Variants in PABPC4L observed in about 807,000 individuals in gnomAD.
PABPC4L encodes the protein polyadenylate-binding protein 4-like.
For synonymous variants in PABPC4L, 169 were observed against 164.1 expected, an observed-to-expected ratio of 1.03 and a Z score of -0.23; for missense variants, 452 against 451.4, an observed-to-expected ratio of 1.00 and a Z score of -0.01.
At chr4:134,044,930 C>G in the PABPC4L span, among the ~76,000 whole-genome samples, 1 of 152,168 alleles carries the variant, frequency 6.6e-6, no homozygotes, top group East Asian at 1.9e-4. Flanking sequence ...CTTACAAAAA[C>G]AATTTCCAGT....
At chr4:134,129,047 C>G in the PABPC4L span, among the ~76,000 whole-genome samples, 1 of 152,048 alleles carries the variant, frequency 6.6e-6, no homozygotes, top group South Asian at 2.1e-4. Context: ...ACAAAACAAA[C>G]TTTAATGCAA....
the PABPC4L span, among the ~76,000 whole-genome samples, chr4:133,981,197 C>T: frequency 4.7e-3 from 711 of 152,042 alleles, 9 homozygotes; most frequent in African/African-American, 0.016. Context: ...TTTTCAAGAT[C>T]CACTATGTTG....
the PABPC4L span, among the ~76,000 whole-genome samples, chr4:134,158,420 T>G: frequency 6.6e-5 from 10 of 152,166 alleles, no homozygotes; most frequent in South Asian, 2.1e-3. Context: ...GTAGGAGTTA[T>G]GGAAACAGTA....
At chr4:134,016,920 C>T in the PABPC4L span, among the ~76,000 whole-genome samples, 1 of 152,086 alleles carries the variant, frequency 6.6e-6, no homozygotes, top group Non-Finnish European at 1.5e-5. Flanking sequence ...TCACATGCCC[C>T]AAGTAAGAAA....
the PABPC4L span, among the ~76,000 whole-genome samples, chr4:134,037,450 GT>G: frequency 1.9e-3 from 289 of 152,118 alleles, 1 homozygote; most frequent in African/African-American, 6.6e-3. Flanking sequence ...ATCTTTGGAA[GT>G]TTTAATATGT....
chr4:134,078,651 CT>C, the PABPC4L span, among the ~76,000 whole-genome samples: 86,934 of 115,700 alleles, frequency 0.75, 32,338 homozygotes, highest in East Asian at 0.98. Flanking sequence ...AGTTTTGTAG[CT>C]TTTTTTTTTT....
chr4:133,951,277 G>A, the PABPC4L span, among the ~76,000 whole-genome samples: 1 of 152,036 alleles, frequency 6.6e-6, no homozygotes, highest in African/African-American at 2.4e-5. Flanking sequence ...ATGGTTTGAT[G>A]CCTCTTTATT....
the PABPC4L span, among the ~76,000 whole-genome samples, chr4:134,072,497 G>T: frequency 6.6e-6 from 1 of 152,260 alleles, no homozygotes; most frequent in East Asian, 1.9e-4. Flanking sequence ...AGAATTGTAG[G>T]TGTGTTTTCT....
chr4:134,169,652 C>T, the PABPC4L span, among the ~76,000 whole-genome samples: 2,119 of 151,374 alleles, frequency 0.014, 43 homozygotes, highest in African/African-American at 0.048. Flanking sequence ...CAACAGCAAA[C>T]AATCTGAAAA....
At chr4:134,143,894 C>G in the PABPC4L span, among the ~76,000 whole-genome samples, 1 of 151,424 alleles carries the variant, frequency 6.6e-6, no homozygotes, top group Non-Finnish European at 1.5e-5. Context: ...ATTTTAATGT[C>G]TCTACTTTTA....
At chr4:134,040,459 A>G in the PABPC4L span, among the ~76,000 whole-genome samples, 1 of 152,178 alleles carries the variant, frequency 6.6e-6, no homozygotes. Context: ...CAAACCTGAC[A>G]AAAACAAGCA....
At chr4:133,981,013 C>T in the PABPC4L span, among the ~76,000 whole-genome samples, 34 of 152,006 alleles carry the variant, frequency 2.2e-4, no homozygotes, top group African/African-American at 7.5e-4. Context: ...ATACAAAAAT[C>T]AGCCGGGTGT....
the PABPC4L span, among the ~76,000 whole-genome samples, chr4:134,003,500 G>C: frequency 6.6e-6 from 1 of 151,682 alleles, no homozygotes; most frequent in African/African-American, 2.4e-5. Flanking sequence ...TTTCATGTGG[G>C]ATTTTGTAAA....
chr4:134,027,955 G>C, the PABPC4L span, among the ~76,000 whole-genome samples: 1 of 152,118 alleles, frequency 6.6e-6, no homozygotes, highest in Non-Finnish European at 1.5e-5. Context: ...ATAATAAATT[G>C]TTCTAAGTTA....
chr4:134,054,343 T>A, the PABPC4L span, among the ~76,000 whole-genome samples: 1 of 148,788 alleles, frequency 6.7e-6, no homozygotes, highest in Admixed American at 6.8e-5. Context: ...AATTTTTTTT[T>A]ATTTTAAGTA....
At chr4:134,183,507 G>C in the PABPC4L span, among the ~76,000 whole-genome samples, 1 of 151,282 alleles carries the variant, frequency 6.6e-6, no homozygotes, top group Non-Finnish European at 1.5e-5. Context: ...CTACCAATAA[G>C]GTACCATGCT....
At chr4:134,161,429 G>A in the PABPC4L span, among the ~76,000 whole-genome samples, 1 of 151,878 alleles carries the variant, frequency 6.6e-6, no homozygotes, top group African/African-American at 2.4e-5. Context: ...AATAGCAGAA[G>A]GAGAAGAAAA....
the PABPC4L span, among the ~76,000 whole-genome samples, chr4:134,089,358 A>G: frequency 6.6e-6 from 1 of 152,086 alleles, no homozygotes; most frequent in African/African-American, 2.4e-5. Flanking sequence ...CCTCCACCAG[A>G]GTGCTATATG....
chr4:134,036,227 A>G, the PABPC4L span, among the ~76,000 whole-genome samples: 1 of 152,124 alleles, frequency 6.6e-6, no homozygotes, highest in Non-Finnish European at 1.5e-5. Flanking sequence ...ATACAATTTT[A>G]TATCACTGCA....
Sources: allele counts gnomAD v4.1 joint callset (sites outside exome capture counted in the v4.1 genomes callset), GRCh38; gene constraint gnomAD v4.1.1; transcripts MANE v1.5; gene names NCBI Gene and HGNC (gene_info 2026-07-23, HGNC 2026-07-21).